The following CSGALNACT1 variants were observed in gnomAD, a reference collection of about 807,000 sequenced individuals.
The protein encoded by CSGALNACT1 is beta4GalNAcT-1.
CSGALNACT1 carries 52 observed loss-of-function variants against 51.0 expected under a neutral mutation model. The observed-to-expected ratio is 1.02, with a 90% CI of 0.82 to 1.29. CSGALNACT1 has a LOEUF of 1.29. Among genes scored for constraint, CSGALNACT1 ranks in the 50% most tolerant of loss-of-function variants. The pLI is 0.00. For synonymous variants in CSGALNACT1, 341 were observed against 254.4 expected (o/e 1.34, Z -3.24); for missense variants, 935 against 679.2 (o/e 1.38, Z -4.19).
rs368848967 is a variant in CSGALNACT1 at position 19,478,400 on chromosome 8, C to T, written c.635-19758G>A. Among the ~76,000 whole-genome samples, 192 of 113,880 alleles carry T rather than the reference C, an allele frequency of 1.7e-3. 2 individuals are homozygous for T. The highest frequency in any genetic ancestry group is 0.014 in the South Asian group (48 of 3,338). 74.7% of individuals were successfully genotyped at this position (113,880 alleles called of 152,430 possible). A position where few individuals can be genotyped will look rare whatever the true frequency, so the allele number is the denominator to read the frequency against. ...CTGCACTCCAGCCTGGGCGACAGAG[C>T]GAGACTCCGTCTCAAAAAAAAAAAA... On this transcript the variant is annotated intron_variant, in intron 4 of 9. Coordinates refer to ENST00000454498, the Ensembl canonical transcript of CSGALNACT1.
chr8:19,533,641 T>C (rs1291645824), intron 3 of CSGALNACT1, among the ~76,000 whole-genome samples: 2 of 152,116 alleles, frequency 1.3e-5, no homozygotes, highest in African/African-American at 4.8e-5. Flanking sequence ...ATCCTCCTAA[T>C]AGGCTGTAAG....
At chr8:19,644,897 A>G (rs956525214) in intron 1 of CSGALNACT1, among the ~76,000 whole-genome samples, 3 of 152,116 alleles carry the variant, frequency 2.0e-5, no homozygotes, top group African/African-American at 7.2e-5. Flanking sequence ...TATATCCATA[A>G]AAGTCTTATC....
intron 1 of CSGALNACT1, among the ~76,000 whole-genome samples, chr8:19,735,625 G>C (rs1432870327): frequency 6.6e-6 from 1 of 152,072 alleles, no homozygotes; most frequent in Non-Finnish European, 1.5e-5. Context: ...AAGACAAAGA[G>C]ACTATGAAGA....
chr8:19,681,904 C>A (rs1017033991), intron 1 of CSGALNACT1, among the ~76,000 whole-genome samples: 1 of 152,208 alleles, frequency 6.6e-6, no homozygotes, highest in East Asian at 1.9e-4. Flanking sequence ...CTGGGTCACA[C>A]TCCAGGTCTC....
At position 19,704,632 on chromosome 8, in the gene CSGALNACT1, C is replaced by T. The variant is rs947404643; in HGVS notation, c.-297+53218G>A. 2.0e-5 allele frequency among the ~76,000 whole-genome samples: 3 copies of T among 152,254 alleles called. No individual in the cohort carries two copies. In the East Asian group the frequency reaches 5.8e-4, roughly 29 times the overall value. On this transcript the variant is annotated intron_variant, in intron 1 of 1. Transcript: ENST00000517494. The stretch of plus-strand genomic sequence containing the variant: ...AGAGATACCTGCACTATTTTCACTG[C>T]AGCATTATTCACAATAAGATATGGA...
Position 19,704,124 on chromosome 8 carries a change from A to G in CSGALNACT1, c.-297+53726T>C, listed in dbSNP as rs140998021. Among the ~76,000 whole-genome samples the G allele has an allele frequency of 1.6e-3, 247 of 152,346 alleles. 1 individual carries two copies. Among genetic ancestry groups the G allele is most frequent in the Non-Finnish European group, 3.0e-3 (203 of 68,028 alleles). ...TTAACCAAGCTTGATGGTTAATTAC[A>G]TAATTACATGGATCATTCTTATTCT... On this transcript the variant is annotated intron_variant, in intron 1 of 1. Coordinates refer to the CSGALNACT1 transcript ENST00000517494.
intron 1 of CSGALNACT1, among the ~76,000 whole-genome samples, chr8:19,721,167 G>A (rs2154239901): frequency 6.6e-6 from 1 of 152,242 alleles, no homozygotes; most frequent in Admixed American, 6.5e-5. Flanking sequence ...AACCACATTG[G>A]AGATATCTGC....
chr8:19,518,486 T>A (rs1472129304), intron 3 of CSGALNACT1, among the ~76,000 whole-genome samples: 1 of 152,118 alleles, frequency 6.6e-6, no homozygotes, highest in Non-Finnish European at 1.5e-5. Context: ...TATGTAAACA[T>A]CATACCTGAT....
At chr8:19,488,308 C>G (rs111734102) in intron 4 of CSGALNACT1, among the ~76,000 whole-genome samples, 307 of 148,914 alleles carry the variant, frequency 2.1e-3, no homozygotes, top group African/African-American at 7.2e-3. Flanking sequence ...TGAGCTCATG[C>G]CACTGCACTC....
At chr8:19,482,243 T>A (rs935883383) in intron 4 of CSGALNACT1, among the ~76,000 whole-genome samples, 3 of 152,234 alleles carry the variant, frequency 2.0e-5, no homozygotes, top group Non-Finnish European at 4.4e-5. Flanking sequence ...ACACTTGAAA[T>A]GTGGCTAGTG....
intron 3 of CSGALNACT1, among the ~76,000 whole-genome samples, chr8:19,506,521 G>A (rs1587460854): frequency 6.6e-6 from 1 of 152,304 alleles, no homozygotes; most frequent in East Asian, 1.9e-4. Flanking sequence ...CGGACTACTT[G>A]GCCGGAGACT....
intron 1 of CSGALNACT1, among the ~76,000 whole-genome samples, chr8:19,737,626 G>C (rs1396555961): frequency 6.6e-6 from 1 of 151,912 alleles, no homozygotes; most frequent in Non-Finnish European, 1.5e-5. Context: ...CAATTCAAAG[G>C]AAGGAAAAGA....
intron 3 of CSGALNACT1, among the ~76,000 whole-genome samples, chr8:19,583,647 TAAC>T (rs2046040182): frequency 6.6e-6 from 1 of 152,168 alleles, no homozygotes; most frequent in Non-Finnish European, 1.5e-5. Context: ...CAATTTTCAT[TAAC>T]ATCATCAACC....
rs574053968 is a variant in CSGALNACT1, at chr8:19,573,207, T to G, written c.-297+17953A>C. 2.0e-5 allele frequency among the ~76,000 whole-genome samples: 3 copies of G among 152,284 alleles called. No homozygotes were observed. The South Asian group carries it at 6.2e-4, about 32-fold the overall frequency. On this transcript the variant is annotated intron_variant, in intron 3 of 9. Transcript: ENST00000454498. ...CCTCATCCAGCTGTACCCTGCAAAT[T>G]AGCCCTTACCCACTTCTTCATTCAA... is the stretch of plus-strand genomic sequence containing the variant.
At chr8:19,535,995 G>T (rs147361045) in intron 3 of CSGALNACT1, among the ~76,000 whole-genome samples, 1 of 152,092 alleles carries the variant, frequency 6.6e-6, no homozygotes, top group Non-Finnish European at 1.5e-5. Context: ...TGAAGAAAAA[G>T]AAAAGGCATA....
intron 1 of CSGALNACT1, among the ~76,000 whole-genome samples, chr8:19,692,460 A>G (rs1406658012): frequency 1.3e-5 from 2 of 152,174 alleles, no homozygotes; most frequent in African/African-American, 4.8e-5. Context: ...TTCAATGTCT[A>G]CGCTCATGGT....
chr8:19,615,801 A>C (rs2052919543), intron 1 of CSGALNACT1, among the ~76,000 whole-genome samples: 1 of 152,256 alleles, frequency 6.6e-6, no homozygotes, highest in African/African-American at 2.4e-5. Flanking sequence ...AAGATGAATG[A>C]CAACATTTAT....
At chr8:19,717,946 CA>C (rs1257396795) in intron 1 of CSGALNACT1, among the ~76,000 whole-genome samples, 2 of 152,188 alleles carry the variant, frequency 1.3e-5, no homozygotes, top group African/African-American at 4.8e-5. Context: ...CAAGGATCCA[CA>C]GGCCAAGATG....
intron 3 of CSGALNACT1, among the ~76,000 whole-genome samples, chr8:19,512,373 T>A (rs2078633790): frequency 6.6e-6 from 1 of 152,198 alleles, no homozygotes; most frequent in African/African-American, 2.4e-5. Context: ...GAACGAAAAC[T>A]ATCCAGCTAA....
Sources: gnomAD v4.1 joint callset for allele counts (sites outside exome capture counted in the v4.1 genomes callset) on GRCh38, gnomAD v4.1.1 for gene constraint, MANE v1.5 for transcripts, NCBI Gene and HGNC (gene_info 2026-07-23, HGNC 2026-07-21) for gene names.